EIF2B5: variants seen among roughly 807,000 people sequenced by gnomAD.
EIF2B5 encodes translation initiation factor eIF2B subunit epsilon.
Under a neutral mutation model 87.3 loss-of-function variants are expected in EIF2B5, and 38 were observed. The observed-to-expected ratio is 0.44, with a 90% CI of 0.34 to 0.57. The LOEUF (loss-of-function observed/expected upper bound fraction) is 0.57. Ranked by LOEUF, EIF2B5 falls within the 20% of genes least tolerant of loss-of-function variation. EIF2B5 has a pLI of 0.02. For missense variants in EIF2B5, 784 were observed against 909.5 expected (o/e 0.86, Z 1.78); for synonymous variants, 313 against 339.6 (o/e 0.92, Z 0.86).
chr3:184,139,401 C>T (rs575886122), intron 5 of EIF2B5, among the ~76,000 whole-genome samples: 1 of 151,402 alleles, frequency 6.6e-6, no homozygotes, highest in Non-Finnish European at 1.5e-5. Flanking sequence ...CTGCCTCAGC[C>T]TCCCAAATAG....
At position 184,137,655 on chromosome 3, in the gene EIF2B5, T is replaced by G; in HGVS notation, c.356T>G (p.Val119Gly). The change falls in exon 3 of 16, where the codon GTG becomes GGG. Residue 119 changes from valine to glycine, a missense_variant. This residue lies in a region of EIF2B5 where 660 missense variants were observed against 789.5 expected (regional missense o/e 0.84). Coordinates refer to ENST00000648915, the MANE Select transcript of EIF2B5 (RefSeq NM_003907.3). ...SKWCRPTSLN[V>G]VRIITSELYR... The stretch of plus-strand genomic sequence containing the variant: ...TGGTGCCGCCCTACATCTCTCAATG[T>G]GGTTCGAATAATTACATCAGAGCTC... 2 of 1,614,202 alleles carry G rather than the reference T, an allele frequency of 1.2e-6. No individual in the cohort carries two copies. Among genetic ancestry groups the G allele is most frequent in the Middle Eastern group, 1.6e-4 (1 of 6,062 alleles).
intron 1 of EIF2B5, chr3:184,135,917 G>A: frequency 2.6e-6 from 1 of 377,948 alleles, no homozygotes; most frequent in Non-Finnish European, 4.8e-6. Context: ...GGTTGCTTAG[G>A]TGAAAAGAAA....
chr3:184,144,816 A>G (rs942075532), intron 15 of EIF2B5, 68 bp from the exon 16 acceptor site: 70 of 1,592,198 alleles, frequency 4.4e-5, no homozygotes, highest in Non-Finnish European at 5.1e-5. Flanking sequence ...AGAGCTGTTT[A>G]TCTGCCGAGG....
At chr3:184,140,860 C>T (rs938588577) in intron 7 of EIF2B5, 130 bp downstream of exon 7, 2 of 1,080,274 alleles carry the variant, frequency 1.9e-6, no homozygotes, top group African/African-American at 1.6e-5. Context: ...GAGCGGCTAC[C>T]TCAGGAAAGG....
chr3:184,139,304 G>A (rs1156530614), intron 5 of EIF2B5, among the ~76,000 whole-genome samples: 13 of 86,880 alleles, frequency 1.5e-4, no homozygotes, highest in Middle Eastern at 0.014. Flanking sequence ...TTTTTGAGTC[G>A]GAGTTTCACT....
At position 184,136,676 on chromosome 3, in the gene EIF2B5, G is replaced by C; in HGVS notation, c.260G>C (p.Gly87Ala). Residue 87 changes from glycine to alanine, a missense_variant, in exon 2 of 16, where the codon GGT becomes GCT. By Grantham distance (60) the Gly-to-Ala change is moderately conservative (BLOSUM62 0). Coordinates refer to ENST00000648915, the MANE Select transcript of EIF2B5 (RefSeq NM_003907.3). ...ACTCTGGAATTCCTGACTGCCACAG[G>C]TGTACAGGAAACATTTGTCTTTTGT... Reference protein sequence around the residue: ...DYTLEFLTATGVQETFVFCCW... With the variant: ...DYTLEFLTATAVQETFVFCCW... The C allele has an allele frequency of 6.2e-7, 1 of 1,614,216 alleles. No individual in the cohort carries two copies. Among genetic ancestry groups the C allele is most frequent in the Non-Finnish European group, 8.5e-7 (1 of 1,180,038 alleles).
chr3:184,145,240 C>A lies in EIF2B5; in HGVS notation c.*297C>A, dbSNP rs534256228. On this transcript the variant is annotated 3_prime_UTR_variant, in exon 16 of 16. Transcript: ENST00000648915. This position sits in a 1 kb window ranked among gnomAD's most constrained non-coding sequence, Gnocchi z 4.0. ...ACAGCTTTGTGCTCCGGCTTTCCCTCAGGGAACAGCAGAGAGCAGTTGGCT... is the reference window on the plus strand; with the variant it reads ...ACAGCTTTGTGCTCCGGCTTTCCCTAAGGGAACAGCAGAGAGCAGTTGGCT... The A allele has an allele frequency of 2.0e-6, 1 of 505,938 alleles. No homozygotes were observed. Among genetic ancestry groups the A allele is most frequent in the Non-Finnish European group, 3.6e-6 (1 of 277,176 alleles). The allele number at this position is 505,938 out of a possible 1,614,324, so 31.3% of individuals were successfully genotyped here. A position where few individuals can be genotyped will look rare whatever the true frequency, so the allele number is the denominator to read the frequency against.
At chr3:184,144,001 C>T in intron 13 of EIF2B5, 98 bp from the exon 14 acceptor site, 1 of 1,560,052 alleles carries the variant, frequency 6.4e-7, no homozygotes, top group South Asian at 1.1e-5. Context: ...GTATCATCTC[C>T]CTTTTGTCCA....
intron 1 of EIF2B5, 44 bp from the exon 2 acceptor site, chr3:184,136,568 A>C (rs368375006): frequency 3.1e-6 from 5 of 1,612,758 alleles, no homozygotes; most frequent in Non-Finnish European, 4.2e-6. Context: ...GGGTACCCAA[A>C]GGGATTCGAG....
chr3:184,143,679 C>G, intron 13 of EIF2B5, 114 bp downstream of exon 13: 3 of 1,523,832 alleles, frequency 2.0e-6, no homozygotes, highest in Non-Finnish European at 1.8e-6. Flanking sequence ...TTCCTTGCCT[C>G]TGGAAGCTGG....
rs923032066 is a variant in EIF2B5 at position 184,144,057 on chromosome 3, A to C, written c.1870-42A>C. The stretch of plus-strand genomic sequence containing the variant: ...TTGCTTGGATGTCCAGGTATAGGTG[A>C]ATGCTTAGGAATATACTGCAGCTCC... On this transcript the variant is annotated intron_variant, in intron 13 of 15. Coordinates refer to ENST00000648915, the MANE Select transcript of EIF2B5 (RefSeq NM_003907.3). 3 of 1,614,000 alleles carry C rather than the reference A, an allele frequency of 1.9e-6. No individual in the cohort carries two copies. The African/African-American group carries it at 4.0e-5, about 22-fold the overall frequency.
chr3:184,136,737 G>C lies in EIF2B5; in HGVS notation c.320+1G>C. On this transcript the variant is annotated splice_donor_variant, in intron 2 of 15. Transcript: ENST00000648915. LOFTEE classifies it high-confidence loss of function. ...CTGCTCAAATCAAAGAACATTTACT[G>C]TAAGGCCCTGCAACTTTTCTTTCCA... is the stretch of plus-strand genomic sequence containing the variant. 1 of 1,614,166 alleles carries C rather than the reference G, an allele frequency of 6.2e-7. No homozygotes were observed. The highest frequency in any genetic ancestry group is 8.5e-7 in the Non-Finnish European group (1 of 1,180,020).
chr3:184,144,538 T>TA, intron 14 of EIF2B5, 59 bp from the exon 15 acceptor site: 1 of 1,469,496 alleles, frequency 6.8e-7, no homozygotes, highest in Non-Finnish European at 9.5e-7. Flanking sequence ...GAGGGCCTGG[T>TA]AGAGTATCCT....
intron 2 of EIF2B5, 123 bp from the exon 3 acceptor site, chr3:184,137,497 T>C: frequency 1.1e-6 from 1 of 907,766 alleles, no homozygotes; most frequent in Non-Finnish European, 1.8e-6. Context: ...TTGAAGACGC[T>C]GGCAAGAACC....
chr3:184,136,813 A>G (rs923517578), intron 2 of EIF2B5, 77 bp downstream of exon 2: 66 of 1,598,034 alleles, frequency 4.1e-5, no homozygotes, highest in Middle Eastern at 3.3e-4. Flanking sequence ...ACTAAGGGGA[A>G]ATGTGAGAGG....
intron 2 of EIF2B5, 163 bp from the exon 3 acceptor site, chr3:184,137,457 A>C: frequency 1.4e-6 from 1 of 697,990 alleles, no homozygotes; most frequent in Non-Finnish European, 2.5e-6. Flanking sequence ...TGCTGAAAGC[A>C]TTCATTATAG....
In EIF2B5 at chr3:184,140,432, G is replaced by C. The variant is rs374608159; in HGVS notation, c.858G>C (p.Gln286His). ...TTCTCATTCAGATCCTAGGGAACCA[G>C]ATCCACATGCACGTAACAGCTAAGG... ...LLVNEEILGN[Q>H]IHMHVTAKEY... Residue 286 changes from glutamine (Q) to histidine (H), a missense_variant, in exon 7 of 16, where the codon CAG (glutamine) becomes CAC (histidine). Gln to His is a conservative substitution (Grantham distance 24). This residue lies in a region of EIF2B5 where 660 missense variants were observed against 789.5 expected (regional missense o/e 0.84). Coordinates refer to ENST00000648915, the MANE Select transcript of EIF2B5 (RefSeq NM_003907.3). The C allele has an allele frequency of 8.1e-6, 13 of 1,614,002 alleles. No homozygotes were observed. In the African/African-American group the frequency reaches 1.6e-4, roughly 20 times the overall value.
chr3:184,143,846 A>G, intron 13 of EIF2B5: 1 of 681,668 alleles, frequency 1.5e-6, no homozygotes, highest in South Asian at 1.8e-5. Context: ...AATTTGACCC[A>G]ACACAAGATC....
chr3:184,144,629 G>A lies in EIF2B5; in HGVS notation c.2028G>A (p.Leu676=), dbSNP rs1426168592. ...VLMAFYQLEI[L]AEETILSWFS... is the part of the protein sequence containing the mutation. ...TGGCTTTCTACCAGCTGGAGATCCTGGCTGAGGAAACAATTCTGAGCTGGT... is the reference window on the plus strand; with the variant it reads ...TGGCTTTCTACCAGCTGGAGATCCTAGCTGAGGAAACAATTCTGAGCTGGT... The change falls in exon 15 of 16, where the codon CTG becomes CTA. Residue 676 remains leucine (L), a synonymous_variant. Transcript: ENST00000648915. 1 of 1,614,004 alleles carries A rather than the reference G, an allele frequency of 6.2e-7. No individual in the cohort carries two copies. Among genetic ancestry groups the A allele is most frequent in the African/African-American group, 1.3e-5 (1 of 74,894 alleles).
Sources: gnomAD v4.1 joint callset for allele counts (sites outside exome capture counted in the v4.1 genomes callset) on GRCh38, gnomAD v4.1.1 for gene constraint, gnomAD v4.1.1 regional missense constraint, Gnocchi (gnomAD v3.1) non-coding constraint, MANE v1.5 for transcripts, NCBI Gene and HGNC (gene_info 2026-07-23, HGNC 2026-07-21) for gene names.